Variants in ROBO1 observed in about 807,000 individuals in gnomAD.
ROBO1 encodes the protein roundabout guidance receptor 1, also known as roundabout homolog 1.
ROBO1 carries 149 observed loss-of-function variants against 195.9 expected under a neutral mutation model. That is an observed-to-expected ratio of 0.76 (90% confidence interval 0.67 to 0.87). The LOEUF (loss-of-function observed/expected upper bound fraction) is 0.87, where lower values mean the gene tolerates loss of function less well. Ranked by LOEUF, ROBO1 falls within the 40% of genes least tolerant of loss-of-function variation. ROBO1 has a pLI of 0.00. For missense variants in ROBO1, 1,933 were observed against 2,068.3 expected (o/e 0.93, Z 1.27); for synonymous variants, 816 against 733.2 (o/e 1.11, Z -1.82).
intron 4 of ROBO1, among the ~76,000 whole-genome samples, chr3:78,817,941 T>C (rs2030315836): frequency 6.6e-6 from 1 of 152,036 alleles, no homozygotes; most frequent in African/African-American, 2.4e-5. Flanking sequence ...TATCCCAGAG[T>C]TGAGAGTAAT....
At chr3:79,061,509 T>C (rs1395203850) in intron 3 of ROBO1, among the ~76,000 whole-genome samples, 2 of 152,140 alleles carry the variant, frequency 1.3e-5, no homozygotes. Context: ...TACTTTAAAG[T>C]TCATATGGAA....
intron 2 of ROBO1, among the ~76,000 whole-genome samples, chr3:79,286,460 G>C (rs1018269950): frequency 2.6e-5 from 4 of 152,240 alleles, no homozygotes; most frequent in Non-Finnish European, 4.4e-5. Flanking sequence ...AGATGCCAAT[G>C]TTCCCACTAT....
chr3:78,672,271 A>G (rs920109201), intron 10 of ROBO1, among the ~76,000 whole-genome samples: 2 of 152,138 alleles, frequency 1.3e-5, no homozygotes, highest in African/African-American at 4.8e-5. Flanking sequence ...AAAAAAAACT[A>G]TTATGTAAAT....
chr3:78,871,659 C>T (rs2035553102), intron 4 of ROBO1, among the ~76,000 whole-genome samples: 1 of 142,668 alleles, frequency 7.0e-6, no homozygotes, highest in African/African-American at 2.6e-5. Flanking sequence ...GAAAAGAATG[C>T]AAGTTAAATT....
chr3:79,531,688 T>A (rs1941669291), intron 2 of ROBO1, among the ~76,000 whole-genome samples: 1 of 152,230 alleles, frequency 6.6e-6, no homozygotes, highest in Non-Finnish European at 1.5e-5. Context: ...TTCACGTTTT[T>A]CACAGGCATT....
intron 2 of ROBO1, among the ~76,000 whole-genome samples, chr3:79,292,168 T>C (rs9815135): frequency 0.62 from 94,458 of 151,998 alleles, 31,739 homozygotes; most frequent in African/African-American, 0.9. Flanking sequence ...CATGATTTGG[T>C]TCTCTGTTTG....
At chr3:78,722,728 T>C (rs1576022324) in intron 5 of ROBO1, among the ~76,000 whole-genome samples, 1 of 152,166 alleles carries the variant, frequency 6.6e-6, no homozygotes, top group African/African-American at 2.4e-5. Context: ...AATTTTCAGA[T>C]ACATATACTT....
chr3:79,395,215 A>G (rs6799051), intron 2 of ROBO1, among the ~76,000 whole-genome samples: 55,575 of 150,524 alleles, frequency 0.37, 10,817 homozygotes, highest in Admixed American at 0.5. Flanking sequence ...CCAGCTACTC[A>G]GGAAGCTGAG....
intron 22 of ROBO1, among the ~76,000 whole-genome samples, chr3:78,637,878 C>A (rs1358964108): frequency 6.6e-6 from 1 of 151,772 alleles, no homozygotes; most frequent in East Asian, 1.9e-4. Context: ...AATCCAACTT[C>A]TCTCTCGCCT....
At chr3:78,693,245 T>C in intron 8 of ROBO1, 1 of 1,462,672 alleles carries the variant, frequency 6.8e-7, no homozygotes, top group South Asian at 1.3e-5. Flanking sequence ...ACATGGAGGC[T>C]GATTGGTTGA....
At position 79,691,476 on chromosome 3, in the gene ROBO1, A is replaced by G. The variant is rs149377825; in HGVS notation, c.-51+76276T>C. Among the ~76,000 whole-genome samples, 1,172 of 151,528 alleles carry G rather than the reference A, an allele frequency of 7.7e-3. 15 individuals are homozygous for G. The highest frequency in any genetic ancestry group is 0.025 in the African/African-American group (1,051 of 41,438). On this transcript the variant is annotated intron_variant, in intron 1 of 30. Coordinates refer to ENST00000464233, the MANE Select transcript of ROBO1 (RefSeq NM_002941.4). ...GTATCTATATAATATATATAAATAT[A>G]TATGTTTAGCCATGAGATATAACTC...
At chr3:78,718,836 G>GGGAGGC (rs2081969371) in intron 5 of ROBO1, among the ~76,000 whole-genome samples, 1 of 132,256 alleles carries the variant, frequency 7.6e-6, no homozygotes, top group African/African-American at 2.9e-5. Context: ...GAGAGGGAGA[G>GGGAGGC]AGGGAGGGAG....
At chr3:79,359,664 A>C (rs2035688329) in intron 2 of ROBO1, among the ~76,000 whole-genome samples, 1 of 152,018 alleles carries the variant, frequency 6.6e-6, no homozygotes, top group African/African-American at 2.4e-5. Flanking sequence ...CAATTATCGA[A>C]GCCTCAGTCA....
intron 2 of ROBO1, among the ~76,000 whole-genome samples, chr3:79,529,148 T>C (rs1941548685): frequency 1.3e-5 from 2 of 152,120 alleles, no homozygotes; most frequent in African/African-American, 4.8e-5. Context: ...ATAACAATGG[T>C]TTGAAAAAAG....
intron 1 of ROBO1, among the ~76,000 whole-genome samples, chr3:79,637,771 A>T (rs1292249020): frequency 6.6e-6 from 1 of 152,140 alleles, no homozygotes; most frequent in African/African-American, 2.4e-5. Flanking sequence ...CCTTTGTCAA[A>T]GGTGATAGAG....
chr3:79,348,304 C>T, intron 2 of ROBO1, among the ~76,000 whole-genome samples: 1 of 151,128 alleles, frequency 6.6e-6, no homozygotes. Context: ...ATTTCTGTTA[C>T]ATTGAGACAC....
intron 2 of ROBO1, among the ~76,000 whole-genome samples, chr3:79,355,032 G>A (rs1417403971): frequency 6.6e-6 from 1 of 152,134 alleles, no homozygotes; most frequent in Non-Finnish European, 1.5e-5. Flanking sequence ...TGGGCATGGT[G>A]GCGGGCGCCT....
At chr3:78,672,502 G>C (rs1708121736) in intron 10 of ROBO1, among the ~76,000 whole-genome samples, 1 of 151,310 alleles carries the variant, frequency 6.6e-6, no homozygotes. Context: ...TGAGGTGGGA[G>C]GATCACATGA....
At position 78,931,784 on chromosome 3, in the gene ROBO1, A is replaced by G. The variant is rs185513508; in HGVS notation, c.499+6817T>C. On this transcript the variant is annotated intron_variant, in intron 4 of 30. Coordinates refer to ENST00000464233, the MANE Select transcript of ROBO1 (RefSeq NM_002941.4). ...AGTTTGAGACCAGCCTGGGCAATAC[A>G]GAGAGATCCTGTCTCCACAAAAAGT... Among the ~76,000 whole-genome samples, 27 of 152,202 alleles carry G rather than the reference A, an allele frequency of 1.8e-4. 1 individual carries two copies. The highest frequency in any genetic ancestry group is 7.2e-4 in the Admixed American group (11 of 15,274).
Sources: allele counts gnomAD v4.1 joint callset (sites outside exome capture counted in the v4.1 genomes callset), GRCh38; gene constraint gnomAD v4.1.1; transcripts MANE v1.5; gene names NCBI Gene and HGNC (gene_info 2026-07-23, HGNC 2026-07-21).